The following PCDHGA4 variants were observed in gnomAD, a reference collection of about 807,000 sequenced individuals.
PCDHGA4 encodes protocadherin gamma subfamily A, 4.
A neutral mutation model predicts 54.6 loss-of-function variants in PCDHGA4; 38 were observed. That is an observed-to-expected ratio of 0.70 (90% CI 0.54 to 0.91). The LOEUF is 0.91. PCDHGA4 is among the 40% of genes least tolerant of loss of function. PCDHGA4 has a pLI of 0.00. For missense variants in PCDHGA4, 1,298 were observed against 1,220.9 expected, an observed-to-expected ratio of 1.06 and a Z score of -0.94; for synonymous variants, 511 against 512.9, an observed-to-expected ratio of 1.00 and a Z score of 0.05.
chr5:141,413,533 C>T (rs777022301), intron 1 of PCDHGA4: 1 of 1,613,934 alleles, frequency 6.2e-7, no homozygotes, highest in Admixed American at 1.7e-5. Context: ...CAGGGTGAAA[C>T]TTTTTGGGAT....
intron 1 of PCDHGA4, among the ~76,000 whole-genome samples, chr5:141,448,016 G>A (rs903673535): frequency 6.6e-6 from 1 of 152,006 alleles, no homozygotes; most frequent in South Asian, 2.1e-4. Context: ...AACCCAGGAG[G>A]TGGAGGTTGC....
At chr5:141,374,059 C>T in intron 1 of PCDHGA4, 1 of 1,489,738 alleles carries the variant, frequency 6.7e-7, no homozygotes, top group Non-Finnish European at 8.9e-7. Flanking sequence ...TTCTTAATCC[C>T]AGAGAAGTTC....
intron 1 of PCDHGA4, chr5:141,413,663 AT>A (rs1344545568): frequency 6.2e-7 from 1 of 1,613,844 alleles, no homozygotes; most frequent in African/African-American, 1.3e-5. Flanking sequence ...GAAGCTATTG[AT>A]CCGGATGTGG....
intron 1 of PCDHGA4, among the ~76,000 whole-genome samples, chr5:141,437,923 A>G (rs893873818): frequency 2.0e-5 from 3 of 152,110 alleles, no homozygotes; most frequent in African/African-American, 7.2e-5. Context: ...TTTTTAGTAG[A>G]GATGGGGTTT....
At position 141,426,439 on chromosome 5, in the gene PCDHGA4, G is replaced by C. The variant is rs149215795; in HGVS notation, c.2515-68368G>C. On this transcript the variant is annotated intron_variant, in intron 1 of 3. Transcript: ENST00000571252. ...GGGCTCCGTGGTGGGGAACCTTGCG[G>C]AGGACATGCGGCTGCATGTTCAGGA... 7.8e-4 allele frequency: 237 copies of C among 302,398 alleles called. 1 individual carries two copies. The highest frequency in any genetic ancestry group is 4.6e-3 in the African/African-American group (214 of 46,260). The allele number at this position is 302,398 out of a possible 1,614,324, so 18.7% of individuals were successfully genotyped here.
At chr5:141,412,145 C>T (rs1335929166) in intron 1 of PCDHGA4, 1 of 152,210 alleles carries the variant, frequency 6.6e-6, no homozygotes, top group East Asian at 1.9e-4. Context: ...CTGATACAAA[C>T]TGCCTAAGAG....
rs761227475 is a variant in PCDHGA4 at position 141,489,382 on chromosome 5, G to A, written c.2515-5425G>A. 4 of 1,613,872 alleles carry A rather than the reference G, an allele frequency of 2.5e-6. No homozygotes were observed. The highest frequency in any genetic ancestry group is 1.7e-5 in the Admixed American group (1 of 60,006). On this transcript the variant is annotated intron_variant, in intron 1 of 3. Coordinates refer to ENST00000571252, the MANE Select transcript of PCDHGA4 (RefSeq NM_018917.4). The surrounding 1 kb of genome is among the most constrained non-coding windows in gnomAD (Gnocchi z 4.5). ...TGAGCCGGGGACGCTGGTGGGGAATGTTGCTCAGGATCTGGGCTTAAAGAT... is the reference window on the plus strand; with the variant it reads ...TGAGCCGGGGACGCTGGTGGGGAATATTGCTCAGGATCTGGGCTTAAAGAT...
At chr5:141,394,948 T>C (rs753376472) in intron 1 of PCDHGA4, 1 of 1,613,884 alleles carries the variant, frequency 6.2e-7, no homozygotes, top group Admixed American at 1.7e-5. Context: ...GCTGTGCTTC[T>C]GGGGCTCAGG....
intron 1 of PCDHGA4, among the ~76,000 whole-genome samples, chr5:141,402,781 T>G (rs1456317365): frequency 1.3e-5 from 2 of 152,200 alleles, no homozygotes; most frequent in Non-Finnish European, 2.9e-5. Context: ...GATTTCCAGT[T>G]CTGCGGCTAC....
intron 1 of PCDHGA4, among the ~76,000 whole-genome samples, chr5:141,425,864 A>T (rs2096899427): frequency 6.6e-6 from 1 of 152,254 alleles, no homozygotes; most frequent in African/African-American, 2.4e-5. Flanking sequence ...TGTTCTATAG[A>T]TTCCCATCTC....
intron 1 of PCDHGA4, chr5:141,427,746 T>A: frequency 7.9e-7 from 1 of 1,272,038 alleles, no homozygotes; most frequent in African/African-American, 1.5e-5. Flanking sequence ...AGTCTCCTAC[T>A]CCATCGTTAC....
intron 1 of PCDHGA4, chr5:141,422,687 T>C: frequency 6.2e-7 from 1 of 1,604,936 alleles, no homozygotes; most frequent in Non-Finnish European, 8.5e-7. Flanking sequence ...CAGAATGCCC[T>C]GGTCACTTAC....
intron 2 of PCDHGA4, among the ~76,000 whole-genome samples, chr5:141,500,180 TTA>T (rs2099797073): frequency 7.1e-6 from 1 of 140,608 alleles, no homozygotes; most frequent in African/African-American, 2.8e-5. Flanking sequence ...AGCTTCATTT[TTA>T]TTTTTATTTA....
intron 1 of PCDHGA4, chr5:141,384,198 C>T (rs539882096): frequency 6.2e-7 from 1 of 1,613,734 alleles, no homozygotes; most frequent in Non-Finnish European, 8.5e-7. Context: ...CTCCCTTGTC[C>T]AGGGAAACTC....
intron 1 of PCDHGA4, chr5:141,415,605 G>T: frequency 1.2e-6 from 2 of 1,613,122 alleles, no homozygotes; most frequent in Non-Finnish European, 1.7e-6. Flanking sequence ...ATACCCCATT[G>T]GTTCCAGTGA....
chr5:141,370,923 C>T, intron 1 of PCDHGA4: 3 of 1,614,000 alleles, frequency 1.9e-6, no homozygotes, highest in Non-Finnish European at 2.5e-6. Flanking sequence ...CCCTGATCCG[C>T]ACTTCTCTTT....
At chr5:141,399,483 CTACT>C in intron 1 of PCDHGA4, 2 of 1,614,048 alleles carry the variant, frequency 1.2e-6, no homozygotes, top group Non-Finnish European at 8.5e-7. Context: ...ACCAGGCGTC[CTACT>C]TAGTCAGTGT....
intron 1 of PCDHGA4, chr5:141,478,636 T>G: frequency 1.3e-6 from 2 of 1,552,744 alleles, no homozygotes; most frequent in South Asian, 2.4e-5. Flanking sequence ...TTTTTAGTGA[T>G]GAAGATGTTT....
chr5:141,374,116 C>G (rs1328761924), intron 1 of PCDHGA4: 9 of 1,580,694 alleles, frequency 5.7e-6, no homozygotes, highest in Non-Finnish European at 8.6e-7. Context: ...CGCAGCGCAG[C>G]GAGCAGGTCC....
Sources: allele counts gnomAD v4.1 joint callset (sites outside exome capture counted in the v4.1 genomes callset), GRCh38; gene constraint gnomAD v4.1.1; non-coding constraint Gnocchi (gnomAD v3.1); transcripts MANE v1.5; gene names NCBI Gene and HGNC (gene_info 2026-07-23, HGNC 2026-07-21).